Variants in DIS3L2 observed in about 807,000 individuals in gnomAD.
The protein encoded by DIS3L2 is DIS3-like exonuclease 2.
Under a neutral mutation model 97.5 loss-of-function variants are expected in DIS3L2, and 34 were observed. The ratio of observed to expected loss-of-function variants is 0.35; its 90% CI spans 0.27 to 0.46. DIS3L2 has a LOEUF of 0.46. DIS3L2 is among the 20% of genes least tolerant of loss of function. The probability of loss-of-function intolerance (pLI) is 1.00; values close to 1 mark genes in which losing one functional copy is unlikely to be tolerated. For synonymous variants in DIS3L2, 435 were observed against 445.2 expected (o/e 0.98, Z 0.29); for missense variants, 1,038 against 1,146.0 (o/e 0.91, Z 1.36).
In DIS3L2 at chr2:232,325,969, C is replaced by T. The variant is rs547239446; in HGVS notation, c.1740-3844C>T. ...CTGCGCCCTTCGGGGCTCCCGTGGC[C>T]CAGAGTGTGGAGCGGCTCAACCTGA... On this transcript the variant is annotated intron_variant, in intron 14 of 20. Transcript: ENST00000325385. The surrounding 1 kb of genome is among the most constrained non-coding windows in gnomAD (Gnocchi z 4.6). 6.6e-6 allele frequency among the ~76,000 whole-genome samples: 1 copy of T among 152,306 alleles called. No homozygotes were observed. The highest frequency in any genetic ancestry group is 1.9e-4 in the East Asian group (1 of 5,168).
At chr2:232,003,268 CT>C (rs900855622) in intron 1 of DIS3L2, among the ~76,000 whole-genome samples, 1 of 152,142 alleles carries the variant, frequency 6.6e-6, no homozygotes, top group African/African-American at 2.4e-5. Context: ...TTCCTTTGCA[CT>C]TTTTTTGTGC....
intron 5 of DIS3L2, among the ~76,000 whole-genome samples, chr2:232,085,834 T>C (rs1696563027): frequency 6.6e-6 from 1 of 152,084 alleles, no homozygotes; most frequent in Non-Finnish European, 1.5e-5. Context: ...AGAGCTAGAA[T>C]ATCCCTTTGT....
chr2:231,965,935 C>G (rs1692696150), intron 1 of DIS3L2, among the ~76,000 whole-genome samples: 1 of 152,078 alleles, frequency 6.6e-6, no homozygotes, highest in African/African-American at 2.4e-5. Context: ...CCTCCTGCTT[C>G]AACCTCCCGA....
chr2:232,141,949 T>C (rs1295948372), intron 8 of DIS3L2, among the ~76,000 whole-genome samples: 2 of 152,112 alleles, frequency 1.3e-5, no homozygotes, highest in Non-Finnish European at 2.9e-5. Context: ...ACTAGATTGA[T>C]AGAAAAAACA....
chr2:232,190,281 C>A (rs1282897943), intron 9 of DIS3L2, among the ~76,000 whole-genome samples: 1 of 152,130 alleles, frequency 6.6e-6, no homozygotes, highest in Non-Finnish European at 1.5e-5. Flanking sequence ...CTGCAGTGAG[C>A]TTTGATCATG....
intron 9 of DIS3L2, among the ~76,000 whole-genome samples, chr2:232,196,217 C>T (rs1322867614): frequency 6.6e-6 from 1 of 152,204 alleles, no homozygotes. Context: ...ATCCTCCCTC[C>T]TTGGCCTCCA....
chr2:232,244,161 T>C (rs1693180998), intron 11 of DIS3L2, among the ~76,000 whole-genome samples: 1 of 152,090 alleles, frequency 6.6e-6, no homozygotes, highest in Non-Finnish European at 1.5e-5. Flanking sequence ...ACTTGAATAG[T>C]GGAAGGAGGA....
chr2:232,068,619 G>A (rs1014590922), intron 5 of DIS3L2, among the ~76,000 whole-genome samples: 11 of 151,532 alleles, frequency 7.3e-5, no homozygotes, highest in African/African-American at 2.7e-4. Flanking sequence ...TTTATATGAG[G>A]GTGGTAATTA....
chr2:232,334,067 A>G, intron 17 of DIS3L2, 80 bp downstream of exon 17: 1 of 1,523,932 alleles, frequency 6.6e-7, no homozygotes. Flanking sequence ...TCAGTGGCCC[A>G]AGACCATTCT....
At chr2:232,054,393 A>G (rs1284391293) in intron 5 of DIS3L2, among the ~76,000 whole-genome samples, 5 of 152,232 alleles carry the variant, frequency 3.3e-5, no homozygotes, top group Admixed American at 3.3e-4. Context: ...AGAACCATAG[A>G]AGATTTAAAT....
At chr2:232,043,653 T>C (rs1463065390) in intron 5 of DIS3L2, among the ~76,000 whole-genome samples, 1 of 152,246 alleles carries the variant, frequency 6.6e-6, no homozygotes, top group Admixed American at 6.5e-5. Context: ...CTCAGTCATG[T>C]AATTATTGCT....
chr2:232,049,591 C>T (rs971589595), intron 5 of DIS3L2, among the ~76,000 whole-genome samples: 3 of 152,106 alleles, frequency 2.0e-5, no homozygotes, highest in East Asian at 1.9e-4. Flanking sequence ...CTTGGACTTC[C>T]GAGCCTCCAG....
rs151226473 is a variant in DIS3L2, at chr2:231,962,079, T to G, written c.-94+314T>G. On this transcript the variant is annotated intron_variant, in intron 1 of 20. Transcript: ENST00000325385. Reference sequence around the variant, plus strand: ...GGAGCGAGACCAGAATTAGAGCCTGTTGCTGTAGAGAGGACGCCTCCCGAG... The same window carrying G: ...GGAGCGAGACCAGAATTAGAGCCTGGTGCTGTAGAGAGGACGCCTCCCGAG... 4.3e-3 allele frequency among the ~76,000 whole-genome samples: 651 copies of G among 152,304 alleles called. 7 individuals carry two copies. Among genetic ancestry groups the G allele is most frequent in the African/African-American group, 0.015 (620 of 41,584 alleles).
chr2:232,286,067 G>A (rs1486981931), intron 13 of DIS3L2, among the ~76,000 whole-genome samples: 1 of 152,182 alleles, frequency 6.6e-6, no homozygotes, highest in Non-Finnish European at 1.5e-5. Flanking sequence ...AACAGGCTGG[G>A]GTGGCCTCTT....
chr2:232,251,695 C>T (rs1226490625), intron 12 of DIS3L2, among the ~76,000 whole-genome samples: 4 of 152,156 alleles, frequency 2.6e-5, no homozygotes, highest in East Asian at 1.9e-4. Flanking sequence ...AAAAGACATA[C>T]GATAAAATCG....
intron 13 of DIS3L2, among the ~76,000 whole-genome samples, chr2:232,277,975 A>G (rs190436692): frequency 1.3e-5 from 2 of 150,480 alleles, no homozygotes; most frequent in East Asian, 3.9e-4. Flanking sequence ...ACTGGCAGAT[A>G]TGGGGCCCAT....
chr2:232,301,682 C>G (rs1428200900), intron 14 of DIS3L2, among the ~76,000 whole-genome samples: 2 of 152,190 alleles, frequency 1.3e-5, no homozygotes, highest in Non-Finnish European at 2.9e-5. Flanking sequence ...TCTTGCTGGA[C>G]TCTCTGCTCT....
intron 5 of DIS3L2, among the ~76,000 whole-genome samples, chr2:232,086,659 A>ATGTATATATATATATATGTG (rs1553606032): frequency 3.2e-5 from 3 of 92,494 alleles, no homozygotes; most frequent in African/African-American, 1.3e-4. Context: ...ATATATATAT[A>ATGTATATATATATATATGTG]TGTGTGTGTG....
At chr2:232,049,543 A>G (rs1354298663) in intron 5 of DIS3L2, among the ~76,000 whole-genome samples, 2 of 152,144 alleles carry the variant, frequency 1.3e-5, no homozygotes, top group Non-Finnish European at 2.9e-5. Context: ...ACATGATGAC[A>G]CAGCAAGAAA....
Sources: allele counts gnomAD v4.1 joint callset (sites outside exome capture counted in the v4.1 genomes callset), GRCh38; gene constraint gnomAD v4.1.1; non-coding constraint Gnocchi (gnomAD v3.1); transcripts MANE v1.5; gene names NCBI Gene and HGNC (gene_info 2026-07-23, HGNC 2026-07-21).